AGBL1: variants seen among roughly 807,000 people sequenced by gnomAD.
AGBL1 encodes AGBL carboxypeptidase 1.
In AGBL1, 130 loss-of-function variants were observed where a neutral mutation model predicts 118.9. That is an observed-to-expected ratio of 1.09 (90% confidence interval 0.95 to 1.26). The LOEUF (loss-of-function observed/expected upper bound fraction) is 1.26, where lower values mean the gene tolerates loss of function less well. AGBL1 is among the 50% of genes most tolerant of loss of function. The pLI is 0.00. For missense variants in AGBL1, 1,584 were observed against 1,298.1 expected, an observed-to-expected ratio of 1.22 and a Z score of -3.38; for synonymous variants, 555 against 478.9, an observed-to-expected ratio of 1.16 and a Z score of -2.08.
Position 86,709,745 on chromosome 15 carries a change from T to A in AGBL1, c.3158+35309T>A, listed in dbSNP as rs190733877. On this transcript the variant is annotated intron_variant, in intron 22 of 22. Coordinates refer to ENST00000614907, the MANE Select transcript of AGBL1 (RefSeq NM_001386094.1). ...AAACCATATGGATGTTAGAACAATT[T>A]AAATCTTACCTCCATCTACTTTGTC... is the stretch of plus-strand genomic sequence containing the variant. Among the ~76,000 whole-genome samples the A allele has an allele frequency of 3.0e-3, 463 of 152,262 alleles. 1 individual carries two copies. Among genetic ancestry groups the A allele is most frequent in the African/African-American group, 0.011 (438 of 41,560 alleles).
chr15:86,295,373 C>T lies in AGBL1; in HGVS notation c.2339C>T (p.Pro780Leu), dbSNP rs771260763. 6.2e-7 allele frequency: 1 copy of T among 1,606,808 alleles called. No homozygotes were observed. The highest frequency in any genetic ancestry group is 8.5e-7 in the Non-Finnish European group (1 of 1,176,812). ...CCCTTGGTGACCATCACGGCCATGC[C>T]TGAGTCCAACAGTGATGAGCATCTA... The part of the protein sequence containing the change: ...PCPLVTITAM[P>L]ESNSDEHLEQ... The change falls in exon 17 of 23, where the codon CCT (proline) becomes CTT (leucine). Residue 780 changes from proline to leucine, a missense_variant. By Grantham distance (98) the Pro-to-Leu change is moderately conservative (BLOSUM62 -3). Coordinates refer to ENST00000614907, the MANE Select transcript of AGBL1 (RefSeq NM_001386094.1).
At chr15:86,423,728 C>G (rs371157772) in intron 18 of AGBL1, among the ~76,000 whole-genome samples, 2 of 152,170 alleles carry the variant, frequency 1.3e-5, no homozygotes, top group East Asian at 1.9e-4. Context: ...CACAAACATT[C>G]CTATACACCA....
chr15:86,293,786 C>T (rs1025951840), intron 16 of AGBL1, among the ~76,000 whole-genome samples: 1 of 152,094 alleles, frequency 6.6e-6, no homozygotes, highest in African/African-American at 2.4e-5. Context: ...TTTACATATT[C>T]ATTTTATTAA....
At chr15:86,403,880 C>T (rs962030047) in intron 18 of AGBL1, among the ~76,000 whole-genome samples, 2 of 152,136 alleles carry the variant, frequency 1.3e-5, no homozygotes, top group Admixed American at 1.3e-4. Context: ...CCCAGTCATT[C>T]AAATGATAAG....
chr15:86,489,778 C>T (rs1163008809), intron 18 of AGBL1, among the ~76,000 whole-genome samples: 1 of 152,064 alleles, frequency 6.6e-6, no homozygotes, highest in Admixed American at 6.6e-5. Flanking sequence ...AGTTTGCTGA[C>T]CTCTGGTCTA....
intron 17 of AGBL1, among the ~76,000 whole-genome samples, chr15:86,361,021 TC>T (rs1184272804): frequency 1.3e-5 from 2 of 151,042 alleles, no homozygotes; most frequent in Non-Finnish European, 3.0e-5. Flanking sequence ...CTAATTTTGA[TC>T]TTTTTTAAAA....
chr15:86,418,776 C>T (rs2081739723), intron 18 of AGBL1, among the ~76,000 whole-genome samples: 1 of 152,092 alleles, frequency 6.6e-6, no homozygotes, highest in Non-Finnish European at 1.5e-5. Flanking sequence ...GAACTTGCAG[C>T]ACTTAGTCTT....
At chr15:86,751,072 A>T (rs1462859095) in intron 22 of AGBL1, among the ~76,000 whole-genome samples, 2 of 152,068 alleles carry the variant, frequency 1.3e-5, no homozygotes, top group East Asian at 3.9e-4. Context: ...CCATGTCTTC[A>T]CTATTGTGAA....
chr15:86,369,967 A>G (rs2080947947), intron 17 of AGBL1, among the ~76,000 whole-genome samples: 1 of 152,204 alleles, frequency 6.6e-6, no homozygotes, highest in African/African-American at 2.4e-5. Flanking sequence ...AAATCTAACC[A>G]TATTCCGGGT....
intron 22 of AGBL1, among the ~76,000 whole-genome samples, chr15:86,739,876 G>A (rs999587577): frequency 1.3e-4 from 20 of 152,182 alleles, no homozygotes; most frequent in African/African-American, 4.3e-4. Flanking sequence ...CTCTCCAGAA[G>A]GGTGGCCTAA....
At chr15:87,002,465 T>C (rs1321837200) in intron 24 of AGBL1, among the ~76,000 whole-genome samples, 2 of 152,004 alleles carry the variant, frequency 1.3e-5, no homozygotes, top group Non-Finnish European at 2.9e-5. Flanking sequence ...ATGTGGGCTC[T>C]TTTTTGGTTC....
At chr15:86,104,103 C>T (rs1478852614) in intron 1 of AGBL1, among the ~76,000 whole-genome samples, 1 of 152,154 alleles carries the variant, frequency 6.6e-6, no homozygotes, top group Admixed American at 6.5e-5. Context: ...TCCTCAATCC[C>T]ATGAGAGGAG....
At chr15:86,108,030 G>A (rs189960773) in intron 1 of AGBL1, among the ~76,000 whole-genome samples, 43 of 152,322 alleles carry the variant, frequency 2.8e-4, no homozygotes, top group African/African-American at 1.0e-3. Flanking sequence ...TACACCATGT[G>A]AGGAGAGCCT....
At chr15:86,847,288 C>T (rs1425388841) in intron 22 of AGBL1, among the ~76,000 whole-genome samples, 1 of 152,156 alleles carries the variant, frequency 6.6e-6, no homozygotes, top group Non-Finnish European at 1.5e-5. Flanking sequence ...CTTGTTCTTT[C>T]ACTTTTGAAT....
At chr15:86,328,609 G>A (rs959171066) in intron 17 of AGBL1, among the ~76,000 whole-genome samples, 7 of 152,092 alleles carry the variant, frequency 4.6e-5, no homozygotes, top group East Asian at 1.9e-4. Context: ...CCCAAATCCC[G>A]AGGAGGAGAA....
At chr15:86,821,772 C>A (rs2078946152) in intron 22 of AGBL1, among the ~76,000 whole-genome samples, 1 of 152,120 alleles carries the variant, frequency 6.6e-6, no homozygotes, top group Non-Finnish European at 1.5e-5. Context: ...ATTCTTAAAT[C>A]AATCCTCTGA....
At chr15:86,373,340 A>G (rs934066935) in intron 17 of AGBL1, among the ~76,000 whole-genome samples, 1 of 152,212 alleles carries the variant, frequency 6.6e-6, no homozygotes, top group Non-Finnish European at 1.5e-5. Flanking sequence ...CTCTGCTCTC[A>G]TGGGCAGAGA....
chr15:86,088,205 G>C (rs560346195), intron 1 of AGBL1: 1 of 152,412 alleles, frequency 6.6e-6, no homozygotes, highest in East Asian at 1.9e-4. Context: ...GAAGGCCTTT[G>C]AATCACAAGC....
intron 22 of AGBL1, among the ~76,000 whole-genome samples, chr15:86,716,770 C>G (rs548415336): frequency 5.9e-5 from 9 of 152,254 alleles, no homozygotes; most frequent in African/African-American, 2.2e-4. Flanking sequence ...ATTTATTTTA[C>G]TCAACAAATT....
Sources: gnomAD v4.1 joint callset for allele counts (sites outside exome capture counted in the v4.1 genomes callset) on GRCh38, gnomAD v4.1.1 for gene constraint, MANE v1.5 for transcripts, NCBI Gene and HGNC (gene_info 2026-07-23, HGNC 2026-07-21) for gene names.